Variants in ITGB4 observed in about 807,000 individuals in gnomAD.
ITGB4 encodes integrin beta-4.
Under a neutral mutation model 207.6 loss-of-function variants are expected in ITGB4, and 159 were observed. That is an observed-to-expected ratio of 0.77 (90% CI 0.67 to 0.87). The LOEUF (loss-of-function observed/expected upper bound fraction) is 0.87, where lower values mean the gene tolerates loss of function less well. Among genes scored for constraint, ITGB4 ranks in the 40% least tolerant of loss-of-function variants. ITGB4 has a pLI of 0.00. For missense variants in ITGB4, 2,278 were observed against 2,546.8 expected (o/e 0.89, Z 2.27); for synonymous variants, 1,020 against 1,062.7 (o/e 0.96, Z 0.78).
rs751057068 is a variant in ITGB4, at chr17:75,729,218, G to C, written c.567-47G>C. ...ACGAGCCAGGGGCACTGGGGTCTGC[G>C]GCGTCTTCCCCCTGTGACACTCTCT... is the stretch of plus-strand genomic sequence containing the variant. On this transcript the variant is annotated intron_variant, in intron 6 of 39. Transcript: ENST00000200181. This position sits in a 1 kb window ranked among gnomAD's most constrained non-coding sequence, Gnocchi z 4.4. The C allele has an allele frequency of 3.8e-6, 6 of 1,590,026 alleles. No homozygotes were observed. The highest frequency in any genetic ancestry group is 2.2e-5 in the East Asian group (1 of 44,590).
intron 1 of ITGB4, among the ~76,000 whole-genome samples, chr17:75,723,207 C>T (rs935643887): frequency 3.9e-5 from 6 of 152,164 alleles, no homozygotes; most frequent in African/African-American, 1.4e-4. Flanking sequence ...GCCTTCTGTG[C>T]CTGGTCTCTC....
At position 75,750,739 on chromosome 17, in the gene ITGB4, G is replaced by T. The variant is rs982012815; in HGVS notation, c.3534G>T (p.Val1178=). The T allele has an allele frequency of 3.7e-6, 6 of 1,613,534 alleles. No individual in the cohort carries two copies. The highest frequency in any genetic ancestry group is 3.4e-6 in the Non-Finnish European group (4 of 1,180,018). ...AAGCCCACCTGCTCGACAGCAAGGT[G>T]CCCTCAGTGGAGCTCACCAACCTGT... The part of the protein sequence containing the change: ...ESEAHLLDSK[V]PSVELTNLYP... The change falls in exon 29 of 40, where the codon GTG becomes GTT. Residue 1178 remains valine, a synonymous_variant. Coordinates refer to ENST00000200181, the MANE Select transcript of ITGB4 (RefSeq NM_000213.5). This position sits in a 1 kb window ranked among gnomAD's most constrained non-coding sequence, Gnocchi z 5.5.
Position 75,731,847 on chromosome 17 carries a change from C to A in ITGB4, c.1251C>A (p.His417Gln). 2 of 1,611,508 alleles carry A rather than the reference C, an allele frequency of 1.2e-6. No individual in the cohort carries two copies. The highest frequency in any genetic ancestry group is 1.7e-6 in the Non-Finnish European group (2 of 1,179,020). Reference protein sequence around the residue: ...IYQVQLRALEHVDGTHVCQLP... With the variant: ...IYQVQLRALEQVDGTHVCQLP... ...AGGTGCAGCTGCGGGCCCTTGAGCACGTGGATGGGACGCACGTGTGCCAGC... is the reference window on the plus strand; with the variant it reads ...AGGTGCAGCTGCGGGCCCTTGAGCAAGTGGATGGGACGCACGTGTGCCAGC... Residue 417 changes from histidine (H) to glutamine (Q), a missense_variant, in exon 11 of 40, where the codon CAC becomes CAA. Coordinates refer to ENST00000200181, the MANE Select transcript of ITGB4 (RefSeq NM_000213.5). This position sits in a 1 kb window ranked among gnomAD's most constrained non-coding sequence, Gnocchi z 6.8.
intron 26 of ITGB4, among the ~76,000 whole-genome samples, chr17:75,748,640 A>C (rs2061288333): frequency 6.6e-6 from 1 of 151,894 alleles, no homozygotes; most frequent in Non-Finnish European, 1.5e-5. Flanking sequence ...ACTGCACTCC[A>C]GCCTAGGTGA....
chr17:75,732,072 G>T lies in ITGB4; in HGVS notation c.1378-91G>T. On this transcript the variant is annotated intron_variant, in intron 11 of 39. Coordinates refer to ENST00000200181, the MANE Select transcript of ITGB4 (RefSeq NM_000213.5). The surrounding 1 kb of genome is among the most constrained non-coding windows in gnomAD (Gnocchi z 5.3). ...ACTCCTGTGCCCCATATCCCTTGTG[G>T]GGTTTCCCGAGGCACACAGGAGAGC... 6.2e-7 allele frequency: 1 copy of T among 1,608,366 alleles called. No homozygotes were observed. The highest frequency in any genetic ancestry group is 8.5e-7 in the Non-Finnish European group (1 of 1,175,452).
In ITGB4 at chr17:75,728,305, C is replaced by T. The variant is rs967286706; in HGVS notation, c.470-72C>T. The T allele has an allele frequency of 1.8e-5, 24 of 1,327,796 alleles. No homozygotes were observed. In the Admixed American group the frequency reaches 3.7e-4, roughly 20 times the overall value. The allele number at this position is 1,327,796 out of a possible 1,614,324, so 82.3% of individuals were successfully genotyped here. A position where few individuals can be genotyped will look rare whatever the true frequency, so the allele number is the denominator to read the frequency against. ...CCTCTTCCTCCCTTCTGAGCCAGCC[C>T]TTGGTGGGGGGCCCGTGTTTATGCC... On this transcript the variant is annotated intron_variant, in intron 5 of 39. Coordinates refer to ENST00000200181, the MANE Select transcript of ITGB4 (RefSeq NM_000213.5).
intron 18 of ITGB4, among the ~76,000 whole-genome samples, chr17:75,738,437 A>G (rs1336095799): frequency 6.6e-6 from 1 of 152,238 alleles, no homozygotes; most frequent in Non-Finnish European, 1.5e-5. Flanking sequence ...CAAGGTCACC[A>G]TGCCCTATGA....
chr17:75,736,699 G>T lies in ITGB4; in HGVS notation c.1990+5G>T. 6.3e-7 allele frequency: 1 copy of T among 1,592,024 alleles called. No homozygotes were observed. The highest frequency in any genetic ancestry group is 8.5e-7 in the Non-Finnish European group (1 of 1,170,744). On this transcript the variant is annotated splice_donor_5th_base_variant and intron_variant, in intron 16 of 39. Transcript: ENST00000200181. The stretch of plus-strand genomic sequence containing the variant: ...TGGTGGACGAGCTTAAGAGAGGTAG[G>T]GGCAGGGGCTGAGGGTTGGGGTTGC...
At position 75,757,071 on chromosome 17, in the gene ITGB4, C is replaced by A. The variant is rs759302516; in HGVS notation, c.5182C>A (p.Arg1728Ser). ...GACCACTGAGGGCTTCGGGCCAGAG[C>A]GCGAGGGCATCATCACCATAGAGTC... The part of the protein sequence containing the change: ...ARTTEGFGPE[R>S]EGIITIESQD... The change falls in exon 38 of 40, where the codon CGC becomes AGC. Residue 1728 changes from arginine (R) to serine (S), a missense_variant. Transcript: ENST00000200181. 6.2e-7 allele frequency: 1 copy of A among 1,612,840 alleles called. No individual in the cohort carries two copies. The highest frequency in any genetic ancestry group is 2.2e-5 in the East Asian group (1 of 44,884).
Position 75,737,596 on chromosome 17 carries a change from C to A in ITGB4, c.2172C>A (p.Leu724=). 6.2e-7 allele frequency: 1 copy of A among 1,612,490 alleles called. No individual in the cohort carries two copies. The change falls in exon 18 of 40, where the codon CTC becomes CTA. Residue 724 remains leucine, a synonymous_variant. Transcript: ENST00000200181. Reference sequence around the variant, plus strand: ...CCCTGCTCCTCCTCCTCCTGCCGCTCCTGGCCCTGCTACTGCTGCTATGCT... The same window carrying A: ...CCCTGCTCCTCCTCCTCCTGCCGCTACTGGCCCTGCTACTGCTGCTATGCT... ...LIPLLLLLLP[L]LALLLLLCWK...
rs1191441853 is a variant in ITGB4 at position 75,751,126 on chromosome 17, C to T, written c.3793+15C>T. The T allele has an allele frequency of 1.9e-6, 3 of 1,612,266 alleles. No individual in the cohort carries two copies. Among genetic ancestry groups the T allele is most frequent in the East Asian group, 2.2e-5 (1 of 44,896 alleles). Reference sequence around the variant, plus strand: ...CGATGACAACCGTAAGAACCAGATCCTTCTTTCCTGCCCACAGGGAGAACA... The same window carrying T: ...CGATGACAACCGTAAGAACCAGATCTTTCTTTCCTGCCCACAGGGAGAACA... On this transcript the variant is annotated intron_variant, in intron 30 of 39. Transcript: ENST00000200181.
chr17:75,755,995 AC>A, intron 35 of ITGB4, 145 bp downstream of exon 35: 1 of 1,013,096 alleles, frequency 9.9e-7, no homozygotes, highest in Non-Finnish European at 1.5e-6. Context: ...AGGGTCTCCC[AC>A]CCCATTCTCC....
chr17:75,751,238 G>C, intron 30 of ITGB4, 127 bp downstream of exon 30: 1 of 1,138,662 alleles, frequency 8.8e-7, no homozygotes, highest in Non-Finnish European at 1.3e-6. Flanking sequence ...CCTTCATCCT[G>C]GTCAGCGGAT....
In ITGB4 at chr17:75,754,792, C is replaced by T. The variant is rs1276868038; in HGVS notation, c.4535C>T (p.Thr1512Ile). 6 of 1,614,032 alleles carry T rather than the reference C, an allele frequency of 3.7e-6. No homozygotes were observed. In the South Asian group the frequency reaches 6.6e-5, roughly 18 times the overall value. Residue 1512 changes from threonine (T) to isoleucine (I), a missense_variant, in exon 34 of 40, where the codon ACC (threonine) becomes ATC (isoleucine). Physicochemically the swap from Thr to Ile is moderately conservative, Grantham distance 89. Coordinates refer to ENST00000200181, the MANE Select transcript of ITGB4 (RefSeq NM_000213.5). Reference protein sequence around the residue: ...HSTTLPRDYSTLTSVSSHDSR... With the variant: ...HSTTLPRDYSILTSVSSHDSR... ...ACCACACTGCCCAGGGACTACTCCACCCTCACCTCCGTCTCCTCCCACGGT... is the reference window on the plus strand; with the variant it reads ...ACCACACTGCCCAGGGACTACTCCATCCTCACCTCCGTCTCCTCCCACGGT...
Position 75,727,357 on chromosome 17 carries a change from C to A in ITGB4, c.163-47C>A, listed in dbSNP as rs1261289241. 1 of 1,612,338 alleles carries A rather than the reference C, an allele frequency of 6.2e-7. No homozygotes were observed. The highest frequency in any genetic ancestry group is 8.5e-7 in the Non-Finnish European group (1 of 1,178,616). On this transcript the variant is annotated intron_variant, in intron 3 of 39. Transcript: ENST00000200181. The surrounding 1 kb of genome is among the most constrained non-coding windows in gnomAD (Gnocchi z 6.0). ...GGAAATGAATCTAGGGTTGGGGCAGCCAGGGAATGGGTGCTGCCCCCAGTG... is the reference window on the plus strand; with the variant it reads ...GGAAATGAATCTAGGGTTGGGGCAGACAGGGAATGGGTGCTGCCCCCAGTG...
Position 75,752,442 on chromosome 17 carries a change from G to A in ITGB4, c.3977-4G>A, listed in dbSNP as rs369841673. 3.5e-5 allele frequency: 56 copies of A among 1,613,190 alleles called. No individual in the cohort carries two copies. The highest frequency in any genetic ancestry group is 4.7e-5 in the Non-Finnish European group (55 of 1,179,948). On this transcript the variant is annotated splice_polypyrimidine_tract_variant and splice_region_variant and intron_variant, in intron 31 of 39. Transcript: ENST00000200181. Reference sequence around the variant, plus strand: ...GGGCCCTGGCTCACTCCCCTGCCCTGCAGTCCCCATCATCCCTGACATCCC... The same window carrying A: ...GGGCCCTGGCTCACTCCCCTGCCCTACAGTCCCCATCATCCCTGACATCCC...
At chr17:75,721,767 G>GGGGGCAGCTGGCAGCCAAGGGGC (rs1440846744) in intron 1 of ITGB4, among the ~76,000 whole-genome samples, 155 bp downstream of exon 1, 1 of 152,196 alleles carries the variant, frequency 6.6e-6, no homozygotes, top group Non-Finnish European at 1.5e-5. Flanking sequence ...GGGGTGCGCC[G>GGGGGCAGCTGGCAGCCAAGGGGC]GGGGCAGCTG....
intron 1 of ITGB4, among the ~76,000 whole-genome samples, chr17:75,723,325 A>G (rs1005933705): frequency 1.3e-5 from 2 of 152,172 alleles, no homozygotes; most frequent in African/African-American, 4.8e-5. Context: ...GGGAATCAGC[A>G]CTGCCTGAGG....
chr17:75,735,219 C>T (rs1031873735), intron 13 of ITGB4, among the ~76,000 whole-genome samples: 1 of 151,752 alleles, frequency 6.6e-6, no homozygotes, highest in Non-Finnish European at 1.5e-5. Flanking sequence ...TCCCAAGAAG[C>T]TGGGATTACA....
Sources: allele counts gnomAD v4.1 joint callset (sites outside exome capture counted in the v4.1 genomes callset), GRCh38; gene constraint gnomAD v4.1.1; non-coding constraint Gnocchi (gnomAD v3.1); transcripts MANE v1.5; gene names NCBI Gene and HGNC (gene_info 2026-07-23, HGNC 2026-07-21).